CATIP: variants seen among roughly 807,000 people sequenced by gnomAD.
CATIP encodes the protein ciliogenesis associated TTC17 interacting protein.
Under a neutral mutation model 42.5 loss-of-function variants are expected in CATIP, and 40 were observed. The observed-to-expected ratio is 0.94, with a 90% CI of 0.73 to 1.22. CATIP has a LOEUF of 1.22. Among genes scored for constraint, CATIP ranks in the 50% most tolerant of loss-of-function variants. CATIP has a pLI of 0.00. For synonymous variants in CATIP, 222 were observed against 200.2 expected, an observed-to-expected ratio of 1.11 and a Z score of -0.92; for missense variants, 489 against 496.0, an observed-to-expected ratio of 0.99 and a Z score of 0.13.
At chr2:218,358,009 C>T (rs528645465) in intron 3 of CATIP, 28 bp from the exon 4 acceptor site, 10 of 1,608,526 alleles carry the variant, frequency 6.2e-6, no homozygotes, top group East Asian at 2.2e-5. Flanking sequence ...TCTCCTGTGA[C>T]GTCAATGCCT....
chr2:218,367,329 G>A, intron 8 of CATIP, 101 bp from the exon 9 acceptor site: 2 of 1,148,888 alleles, frequency 1.7e-6, no homozygotes. Flanking sequence ...GAATCCTGGG[G>A]TTTCACCTGA....
At chr2:218,357,947 C>G in intron 3 of CATIP, 90 bp from the exon 4 acceptor site, 1 of 1,277,118 alleles carries the variant, frequency 7.8e-7, no homozygotes, top group Admixed American at 1.7e-5. Flanking sequence ...CGTATTACAC[C>G]TAGTCCTCCA....
intron 5 of CATIP, among the ~76,000 whole-genome samples, chr2:218,362,119 G>A (rs1695255880): frequency 6.6e-6 from 1 of 152,182 alleles, no homozygotes; most frequent in South Asian, 2.1e-4. Flanking sequence ...ACTTTGGGAG[G>A]CCAAGGCGGG....
chr2:218,357,918 C>T (rs1052587751), intron 3 of CATIP, 119 bp from the exon 4 acceptor site: 4 of 1,099,302 alleles, frequency 3.6e-6, no homozygotes, highest in Non-Finnish European at 4.2e-6. Flanking sequence ...TCTTACCCAT[C>T]CTGTAGTTTT....
intron 7 of CATIP, chr2:218,366,790 A>G (rs773697521): frequency 9.7e-6 from 5 of 515,520 alleles, no homozygotes; most frequent in Non-Finnish European, 1.8e-5. Flanking sequence ...GTGTCCTCAC[A>G]TGGCCTTTCT....
chr2:218,367,748 C>T lies in CATIP; in HGVS notation c.948C>T (p.Ser316=), dbSNP rs1442430327. ...AGGAGCTCCGGCTCGGCCACGCCAGCTATCTGCGGCAGCACCCCGAAGCCC... is the reference window on the plus strand; with the variant it reads ...AGGAGCTCCGGCTCGGCCACGCCAGTTATCTGCGGCAGCACCCCGAAGCCC... The part of the protein sequence containing the change: ...RKEELRLGHA[S]YLRQHPEAHA... Residue 316 remains serine (S), a synonymous_variant, in exon 10 of 10, where the codon AGC becomes AGT. Transcript: ENST00000289388. 18 of 1,607,040 alleles carry T rather than the reference C, an allele frequency of 1.1e-5. No homozygotes were observed. The East Asian group carries it at 4.0e-4, about 36-fold the overall frequency.
chr2:218,357,794 C>A, intron 3 of CATIP, 60 bp downstream of exon 3: 1 of 1,520,950 alleles, frequency 6.6e-7, no homozygotes, highest in East Asian at 2.2e-5. Context: ...TCCCCTCCAC[C>A]AATTCCTAGA....
rs180731730 is a variant in CATIP, at chr2:218,363,341, C to T, written c.630+439C>T. On this transcript the variant is annotated intron_variant, in intron 6 of 9. Transcript: ENST00000289388. ...TAAAAATACAAAAAAAAAAAATCAG[C>T]GGGGCGTGGTGGCAGGCGCCTGTAG... Among the ~76,000 whole-genome samples the T allele has an allele frequency of 2.5e-3, 377 of 150,914 alleles. 4 individuals carry two copies. Among genetic ancestry groups the T allele is most frequent in the African/African-American group, 8.2e-3 (336 of 41,054 alleles).
At position 218,360,672 on chromosome 2, in the gene CATIP, G is replaced by C; in HGVS notation, c.462+13G>C. 1 of 1,597,656 alleles carries C rather than the reference G, an allele frequency of 6.3e-7. No individual in the cohort carries two copies. Among genetic ancestry groups the C allele is most frequent in the Non-Finnish European group, 8.6e-7 (1 of 1,165,568 alleles). On this transcript the variant is annotated intron_variant, in intron 5 of 9. Transcript: ENST00000289388. ...CAAGGAGGGTGAGGTAAGGATGAGA[G>C]CCAGATGGGAGTTGCACTACACACT...
At position 218,358,130 on chromosome 2, in the gene CATIP, G is replaced by T. The variant is rs374623321; in HGVS notation, c.375+38G>T. ...GCCCCAGCCTTGACCCAATCCAGGG[G>T]AGAGAAGACAGATTTTGACTTAAAA... On this transcript the variant is annotated intron_variant, in intron 4 of 9. Transcript: ENST00000289388. 2.6e-6 allele frequency: 4 copies of T among 1,559,410 alleles called. No individual in the cohort carries two copies. The South Asian group carries it at 4.6e-5, about 18-fold the overall frequency.
Position 218,367,536 on chromosome 2 carries a change from C to T in CATIP, c.921+18C>T, listed in dbSNP as rs1207066205. ...ACCGGAAGGTGAGGGGAGGCTCCAC[C>T]AGCCTGGGGTTCCCATTCCCCCATG... On this transcript the variant is annotated intron_variant, in intron 9 of 9. Coordinates refer to ENST00000289388, the MANE Select transcript of CATIP (RefSeq NM_198559.2). 1 of 1,612,622 alleles carries T rather than the reference C, an allele frequency of 6.2e-7. No individual in the cohort carries two copies. Among genetic ancestry groups the T allele is most frequent in the African/African-American group, 1.3e-5 (1 of 74,890 alleles).
intron 2 of CATIP, 35 bp downstream of exon 2, chr2:218,357,222 G>A: frequency 6.6e-7 from 1 of 1,520,696 alleles, no homozygotes; most frequent in South Asian, 1.1e-5. Context: ...GGGGGTGCGG[G>A]AGGGGTGCAA....
chr2:218,359,920 G>A (rs550025312), intron 4 of CATIP, among the ~76,000 whole-genome samples: 5 of 152,050 alleles, frequency 3.3e-5, no homozygotes, highest in Admixed American at 3.3e-4. Flanking sequence ...CACCTTCCGG[G>A]TTCAAGCAAT....
chr2:218,362,773 A>G lies in CATIP; in HGVS notation c.501A>G (p.Ser167=), dbSNP rs770392502. ...GAGTGACTTCTTTCCCCTGGAGCTC[A>G]ATCAAGGGCTTCATCTCAGAGGCTG... ...KTGVTSFPWS[S]IKGFISEAAN... Residue 167 remains serine (S), a synonymous_variant, in exon 6 of 10, where the codon TCA becomes TCG. Coordinates refer to ENST00000289388, the MANE Select transcript of CATIP (RefSeq NM_198559.2). 5.6e-6 allele frequency: 9 copies of G among 1,614,038 alleles called. No individual in the cohort carries two copies. Among genetic ancestry groups the G allele is most frequent in the Non-Finnish European group, 6.8e-6 (8 of 1,180,032 alleles).
intron 2 of CATIP, 132 bp downstream of exon 2, chr2:218,357,319 G>A: frequency 5.7e-6 from 4 of 702,452 alleles, no homozygotes; most frequent in Non-Finnish European, 6.9e-6. Flanking sequence ...CTCAGAAAAG[G>A]CCTGAGGCCT....
intron 6 of CATIP, among the ~76,000 whole-genome samples, chr2:218,363,206 TGTG>T (rs1476880571): frequency 6.6e-6 from 1 of 151,616 alleles, no homozygotes; most frequent in East Asian, 1.9e-4. Context: ...TTGGGCCAGG[TGTG>T]GTGGCTCACG....
At position 218,367,890 on chromosome 2, in the gene CATIP, T is replaced by C; in HGVS notation, c.1090T>C (p.Leu364=). The C allele has an allele frequency of 6.2e-7, 1 of 1,612,562 alleles. No individual in the cohort carries two copies. ...FDPWRPSSPA[L]GSSHRPNPFR... is the part of the protein sequence containing the mutation. Reference sequence around the variant, plus strand: ...CCCGTGGCGTCCGTCGTCACCGGCCTTGGGCTCCTCCCACCGGCCCAACCC... The same window carrying C: ...CCCGTGGCGTCCGTCGTCACCGGCCCTGGGCTCCTCCCACCGGCCCAACCC... Residue 364 remains leucine (L), a synonymous_variant, in exon 10 of 10, where the codon TTG becomes CTG. Transcript: ENST00000289388.
chr2:218,356,876 G>C lies in CATIP; in HGVS notation c.-9G>C, dbSNP rs1490520706. The C allele has an allele frequency of 6.2e-7, 1 of 1,614,036 alleles. No individual in the cohort carries two copies. Among genetic ancestry groups the C allele is most frequent in the South Asian group, 1.1e-5 (1 of 91,086 alleles). ...CTGGACACAGACCGGGTAGAGGCAGGCCCACAGCATGTCCTCCAAGGTTTA... is the reference window on the plus strand; with the variant it reads ...CTGGACACAGACCGGGTAGAGGCAGCCCCACAGCATGTCCTCCAAGGTTTA... On this transcript the variant is annotated 5_prime_UTR_variant, in exon 1 of 10. Coordinates refer to ENST00000289388, the MANE Select transcript of CATIP (RefSeq NM_198559.2).
intron 2 of CATIP, 60 bp downstream of exon 2, chr2:218,357,247 G>A: frequency 3.2e-6 from 3 of 926,924 alleles, no homozygotes; most frequent in African/African-American, 2.3e-5. Context: ...GGAGAGGAGG[G>A]AAGAAAGTCC....
Sources: allele counts gnomAD v4.1 joint callset (sites outside exome capture counted in the v4.1 genomes callset), GRCh38; gene constraint gnomAD v4.1.1; transcripts MANE v1.5; gene names NCBI Gene and HGNC (gene_info 2026-07-23, HGNC 2026-07-21).